Variants in FSTL1 observed in about 807,000 individuals in gnomAD.
FSTL1 encodes the protein follistatin-related protein 1.
Under a neutral mutation model 45.9 loss-of-function variants are expected in FSTL1, and 24 were observed. The observed-to-expected ratio is 0.52, with a 90% CI of 0.38 to 0.74. The LOEUF (loss-of-function observed/expected upper bound fraction) is 0.74. Among genes scored for constraint, FSTL1 ranks in the 30% least tolerant of loss-of-function variants. The pLI, the probability that FSTL1 is intolerant of heterozygous loss-of-function variation, is 0.00. For missense variants in FSTL1, 340 were observed against 381.8 expected (o/e 0.89, Z 0.91); for synonymous variants, 120 against 137.6 (o/e 0.87, Z 0.89).
chr3:120,433,390 C>T (rs577905565), intron 2 of FSTL1, among the ~76,000 whole-genome samples: 193 of 152,308 alleles, frequency 1.3e-3, no homozygotes, highest in Middle Eastern at 0.01. Context: ...TTGCAAAATA[C>T]GGCACAGAGA....
intron 3 of FSTL1, 66 bp downstream of exon 3, chr3:120,415,857 G>T (rs1576216268): frequency 1.2e-6 from 1 of 841,744 alleles, no homozygotes. Context: ...CCTGCTGATG[G>T]GTGGCTCCGC....
At chr3:120,408,443 C>T in intron 6 of FSTL1, among the ~76,000 whole-genome samples, 1 of 152,240 alleles carries the variant, frequency 6.6e-6, no homozygotes, top group East Asian at 1.9e-4. Context: ...TTGAAGCCAA[C>T]CCAGTATTTC....
chr3:120,450,235 G>C (rs970174314), intron 2 of FSTL1, among the ~76,000 whole-genome samples: 15 of 152,154 alleles, frequency 9.9e-5, no homozygotes, highest in Non-Finnish European at 4.4e-5. Context: ...CTTTAAAAGA[G>C]AGAAAGGAAA....
chr3:120,412,242 T>C (rs571807207), intron 3 of FSTL1, among the ~76,000 whole-genome samples: 1 of 152,358 alleles, frequency 6.6e-6, no homozygotes, highest in Admixed American at 6.5e-5. Context: ...AGACACCCTC[T>C]ATAGTTTCAA....
intron 2 of FSTL1, among the ~76,000 whole-genome samples, chr3:120,421,991 T>G (rs1937286683): frequency 6.6e-6 from 1 of 152,236 alleles, no homozygotes; most frequent in South Asian, 2.1e-4. Context: ...CAACTCCCCA[T>G]TTGCCCTATT....
At position 120,403,276 on chromosome 3, in the gene FSTL1, C is replaced by G. The variant is rs1292419565; in HGVS notation, c.660G>C (p.Lys220Asn). The G allele has an allele frequency of 7.5e-6, 12 of 1,610,618 alleles. No individual in the cohort carries two copies. The highest frequency in any genetic ancestry group is 1.0e-5 in the Non-Finnish European group (12 of 1,176,808). ...GAGGGTTGAAAGATGGGTTGAGGCA[C>G]TTGAGAAACTCTTGGAAGCTGAGTT... ...DWKLSFQEFL[K>N]CLNPSFNPPE... Residue 220 changes from lysine to asparagine, a missense_variant, in exon 8 of 11, where the codon AAG becomes AAC. By Grantham distance (94) the Lys-to-Asn change is moderately conservative. Transcript: ENST00000295633.
chr3:120,396,007 G>A lies in FSTL1; in HGVS notation c.*945C>T, dbSNP rs1017142994. On this transcript the variant is annotated 3_prime_UTR_variant, in exon 11 of 11. Transcript: ENST00000295633. ...TTTTTATGAAGATGCTTCTTCCCCT[G>A]GCTTCGGTCTAAGGCACCCTTGCTC... 7.4e-5 allele frequency: 21 copies of A among 285,522 alleles called. No individual in the cohort carries two copies. Among genetic ancestry groups the A allele is most frequent in the South Asian group, 7.0e-4 (20 of 28,718 alleles). 17.7% of individuals were successfully genotyped at this position (285,522 alleles called of 1,614,324 possible).
At chr3:120,443,321 C>T (rs1192059410) in intron 2 of FSTL1, among the ~76,000 whole-genome samples, 4 of 149,328 alleles carry the variant, frequency 2.7e-5, no homozygotes, top group Admixed American at 2.0e-4. Flanking sequence ...CCCTAATGGC[C>T]AAGCAGCGAT....
At chr3:120,444,895 T>C (rs949485272) in intron 2 of FSTL1, among the ~76,000 whole-genome samples, 1 of 149,920 alleles carries the variant, frequency 6.7e-6, no homozygotes, top group Non-Finnish European at 1.5e-5. Flanking sequence ...AAAATGTTTT[T>C]GTAAATGCTT....
rs1936648413 is a variant in FSTL1, at chr3:120,394,140, T to A, written c.*2812A>T. 1 of 152,202 alleles carries A rather than the reference T, an allele frequency of 6.6e-6. No homozygotes were observed. The highest frequency in any genetic ancestry group is 1.5e-5 in the Non-Finnish European group (1 of 68,026). The allele number at this position is 152,202 out of a possible 1,614,324, so 9.4% of individuals were successfully genotyped here. ...TACCAGTCCCCGAGTAAACTTTCCA[T>A]CCAAGCTGTAGTCCCAGGAGAAACT... On this transcript the variant is annotated 3_prime_UTR_variant, in exon 11 of 11. Coordinates refer to ENST00000295633, the MANE Select transcript of FSTL1 (RefSeq NM_007085.5).
chr3:120,427,866 A>G (rs1319409722), intron 2 of FSTL1, among the ~76,000 whole-genome samples: 1 of 152,156 alleles, frequency 6.6e-6, no homozygotes, highest in African/African-American at 2.4e-5. Flanking sequence ...AGCAAAGCAA[A>G]ATTGGGTGAG....
intron 10 of FSTL1, among the ~76,000 whole-genome samples, 166 bp downstream of exon 10, chr3:120,399,717 T>G (rs1936779964): frequency 6.6e-6 from 1 of 152,336 alleles, no homozygotes. Flanking sequence ...ATCAGGGAAC[T>G]GTCTGTATCA....
chr3:120,436,840 A>T (rs1012453921), intron 2 of FSTL1, among the ~76,000 whole-genome samples: 4 of 152,184 alleles, frequency 2.6e-5, no homozygotes, highest in Admixed American at 1.3e-4. Context: ...CCCTGGGAGA[A>T]GCGAAGCTGC....
chr3:120,392,591 A>G lies in FSTL1; in HGVS notation c.*4361T>C, dbSNP rs1214216236. 6.6e-6 allele frequency: 1 copy of G among 152,238 alleles called. No individual in the cohort carries two copies. Among genetic ancestry groups the G allele is most frequent in the Non-Finnish European group, 1.5e-5 (1 of 68,042 alleles). The allele number at this position is 152,238 out of a possible 1,614,324, so 9.4% of individuals were successfully genotyped here. ...ATTTGGATTTTTACCATGTACACAT[A>G]TTATTTTTTCAGTAAAAAAGTTAAA... On this transcript the variant is annotated 3_prime_UTR_variant, in exon 11 of 11. Transcript: ENST00000295633.
At chr3:120,436,016 T>A (rs759361042) in intron 2 of FSTL1, among the ~76,000 whole-genome samples, 1 of 152,004 alleles carries the variant, frequency 6.6e-6, no homozygotes, top group Non-Finnish European at 1.5e-5. Context: ...CCTCAAGCGC[T>A]GGTTGTTTTT....
At chr3:120,401,950 A>C (rs531912512) in intron 9 of FSTL1, among the ~76,000 whole-genome samples, 1 of 152,356 alleles carries the variant, frequency 6.6e-6, no homozygotes, top group East Asian at 1.9e-4. Flanking sequence ...TCTCCGTTGC[A>C]GACCTGGCTT....
At chr3:120,428,731 C>G (rs1233822574) in intron 2 of FSTL1, among the ~76,000 whole-genome samples, 1 of 143,728 alleles carries the variant, frequency 7.0e-6, no homozygotes, top group Non-Finnish European at 1.5e-5. Flanking sequence ...GAGACTCTGT[C>G]TCAGACAAAA....
At chr3:120,449,278 G>T (rs1937827699) in intron 2 of FSTL1, among the ~76,000 whole-genome samples, 1 of 152,174 alleles carries the variant, frequency 6.6e-6, no homozygotes, top group Admixed American at 6.5e-5. Context: ...TACATTACAG[G>T]GTTTGGGAGC....
chr3:120,433,316 C>T (rs78226443), intron 2 of FSTL1, among the ~76,000 whole-genome samples: 5,748 of 152,282 alleles, frequency 0.038, 149 homozygotes, highest in East Asian at 0.12. Context: ...ACTATCATGT[C>T]CAAGATTAAG....
Sources: allele counts gnomAD v4.1 joint callset (sites outside exome capture counted in the v4.1 genomes callset), GRCh38; gene constraint gnomAD v4.1.1; transcripts MANE v1.5; gene names NCBI Gene and HGNC (gene_info 2026-07-23, HGNC 2026-07-21).